EDIL3: variants seen among roughly 807,000 people sequenced by gnomAD.
EDIL3 encodes the protein EGF like and discoidin domains 3.
Under a neutral mutation model 67.4 loss-of-function variants are expected in EDIL3, and 37 were observed. The ratio of observed to expected loss-of-function variants is 0.55; its 90% CI spans 0.42 to 0.72. The LOEUF (loss-of-function observed/expected upper bound fraction) is 0.72. Among genes scored for constraint, EDIL3 ranks in the 30% least tolerant of loss-of-function variants. The probability of loss-of-function intolerance (pLI) is 0.00; values close to 1 mark genes in which losing one functional copy is unlikely to be tolerated. For synonymous variants in EDIL3, 195 were observed against 196.3 expected, an observed-to-expected ratio of 0.99 and a Z score of 0.05; for missense variants, 527 against 586.3, an observed-to-expected ratio of 0.90 and a Z score of 1.04.
intron 9 of EDIL3, among the ~76,000 whole-genome samples, chr5:84,016,303 C>G (rs1306658907): frequency 6.6e-6 from 1 of 152,170 alleles, no homozygotes; most frequent in African/African-American, 2.4e-5. Context: ...TTGAGTAAAT[C>G]TAGTTTATCG....
intron 5 of EDIL3, among the ~76,000 whole-genome samples, chr5:84,115,157 C>T (rs139801660): frequency 8.9e-4 from 134 of 150,714 alleles, no homozygotes; most frequent in African/African-American, 3.2e-3. Flanking sequence ...GTGTTAAAAT[C>T]GGAAATGCTT....
chr5:84,233,115 G>A (rs1744614663), intron 2 of EDIL3, among the ~76,000 whole-genome samples: 1 of 152,078 alleles, frequency 6.6e-6, no homozygotes, highest in Non-Finnish European at 1.5e-5. Context: ...CAACAAATAA[G>A]TGTATTGCTC....
intron 5 of EDIL3, among the ~76,000 whole-genome samples, chr5:84,132,917 CAA>C (rs989404445): frequency 1.4e-4 from 22 of 151,904 alleles, no homozygotes; most frequent in African/African-American, 5.1e-4. Context: ...TGAGATCACC[CAA>C]GTGTTTTTTT....
At chr5:84,221,378 A>G (rs1257292911) in intron 3 of EDIL3, among the ~76,000 whole-genome samples, 3 of 152,158 alleles carry the variant, frequency 2.0e-5, no homozygotes, top group African/African-American at 7.2e-5. Flanking sequence ...AAACCTGTCT[A>G]AAGAGAAAGA....
chr5:84,216,720 T>G (rs2112395365), intron 3 of EDIL3, among the ~76,000 whole-genome samples: 1 of 152,320 alleles, frequency 6.6e-6, no homozygotes, highest in Admixed American at 6.5e-5. Flanking sequence ...AAAAAAATCA[T>G]AATCGAAATC....
intron 9 of EDIL3, among the ~76,000 whole-genome samples, chr5:84,026,391 T>G (rs910436390): frequency 2.0e-5 from 3 of 152,208 alleles, no homozygotes; most frequent in Admixed American, 6.6e-5. Context: ...AGAGAATATT[T>G]GTTTCCATCT....
At chr5:84,108,561 C>A (rs548715926) in intron 5 of EDIL3, among the ~76,000 whole-genome samples, 58 of 152,206 alleles carry the variant, frequency 3.8e-4, no homozygotes, top group African/African-American at 1.3e-3. Flanking sequence ...TTTTCACATT[C>A]CCAAAAACTT....
At chr5:83,955,052 C>G (rs1006700182) in intron 10 of EDIL3, among the ~76,000 whole-genome samples, 9 of 151,756 alleles carry the variant, frequency 5.9e-5, no homozygotes, top group African/African-American at 2.2e-4. Context: ...GTTGGGCTAA[C>G]ACTTGATGAT....
In EDIL3 at chr5:84,106,682, T is replaced by C; in HGVS notation, c.618A>G (p.Thr206=). The change falls in exon 6 of 11, where the codon ACA becomes ACG. Residue 206 remains threonine, a synonymous_variant. Transcript: ENST00000296591. The part of the protein sequence containing the change: ...LNKKGLINAW[T]AAENDRWPWI... ...ACGGCCATCTGTCATTTTCTGCAGC[T>C]GTCCACGCATTTATAAGCCCCTTCT... The C allele has an allele frequency of 6.2e-7, 1 of 1,609,728 alleles. No homozygotes were observed. Among genetic ancestry groups the C allele is most frequent in the Non-Finnish European group, 8.5e-7 (1 of 1,178,440 alleles).
At chr5:84,371,450 TAGAGAGAGAGAGAGAG>T (rs142715442) in intron 1 of EDIL3, among the ~76,000 whole-genome samples, 2 of 103,988 alleles carry the variant, frequency 1.9e-5, no homozygotes, top group African/African-American at 6.6e-5. Context: ...TATATATATA[TAGAGAGAGAGAGAGAG>T]AGAGAGAGAG....
chr5:84,374,396 C>T (rs1217740790), intron 1 of EDIL3, among the ~76,000 whole-genome samples: 2 of 152,168 alleles, frequency 1.3e-5, no homozygotes, highest in Admixed American at 6.5e-5. Context: ...AATATGTTCT[C>T]TGCTTATGTT....
intron 1 of EDIL3, among the ~76,000 whole-genome samples, chr5:84,311,405 T>C (rs1433279225): frequency 1.3e-5 from 2 of 150,656 alleles, no homozygotes; most frequent in African/African-American, 2.4e-5. Flanking sequence ...TGTTTACAGA[T>C]GCATATTTTG....
Position 84,060,118 on chromosome 5 carries a change from C to G in EDIL3, c.1137+182G>C, listed in dbSNP as rs752069815. ...ACTAGCATCTATAAACCAACACCAGCGTAAAAATAGCCCACAGACATGGTT... is the reference window on the plus strand; with the variant it reads ...ACTAGCATCTATAAACCAACACCAGGGTAAAAATAGCCCACAGACATGGTT... On this transcript the variant is annotated intron_variant, in intron 9 of 10. Coordinates refer to ENST00000296591, the MANE Select transcript of EDIL3 (RefSeq NM_005711.5). Among the ~76,000 whole-genome samples the G allele has an allele frequency of 4.6e-5, 7 of 152,102 alleles. No individual in the cohort carries two copies. The South Asian group carries it at 8.3e-4, about 18-fold the overall frequency.
At chr5:84,142,354 T>C (rs1410150156) in intron 4 of EDIL3, among the ~76,000 whole-genome samples, 2 of 152,026 alleles carry the variant, frequency 1.3e-5, no homozygotes, top group South Asian at 2.1e-4. Flanking sequence ...CAGAGAATTC[T>C]TGAGTCTAAT....
At chr5:83,980,232 GGT>G (rs147547660) in intron 9 of EDIL3, among the ~76,000 whole-genome samples, 1 of 150,946 alleles carries the variant, frequency 6.6e-6, no homozygotes, top group Admixed American at 6.6e-5. Context: ...CTTAACTTGA[GGT>G]GTGTGTTTTT....
intron 6 of EDIL3, among the ~76,000 whole-genome samples, chr5:84,093,841 G>A (rs1747211538): frequency 6.6e-6 from 1 of 151,826 alleles, no homozygotes; most frequent in Admixed American, 6.6e-5. Flanking sequence ...TGTATTTTTA[G>A]TAGAGACGGG....
chr5:84,164,555 AG>A (rs1748671135), intron 4 of EDIL3, among the ~76,000 whole-genome samples: 1 of 152,114 alleles, frequency 6.6e-6, no homozygotes, highest in Non-Finnish European at 1.5e-5. Flanking sequence ...CAAGTTCAAA[AG>A]ACAAGATAAT....
intron 5 of EDIL3, among the ~76,000 whole-genome samples, chr5:84,124,866 T>C (rs1747838812): frequency 6.6e-6 from 1 of 152,000 alleles, no homozygotes. Flanking sequence ...CATTTTCCTA[T>C]ACTATGAAGA....
chr5:84,298,091 T>C (rs542468438), intron 1 of EDIL3, among the ~76,000 whole-genome samples: 1 of 152,188 alleles, frequency 6.6e-6, no homozygotes, highest in South Asian at 2.1e-4. Context: ...AACACTCAGC[T>C]TTTTCCAACA....
Sources: gnomAD v4.1 joint callset for allele counts (sites outside exome capture counted in the v4.1 genomes callset) on GRCh38, gnomAD v4.1.1 for gene constraint, MANE v1.5 for transcripts, NCBI Gene and HGNC (gene_info 2026-07-23, HGNC 2026-07-21) for gene names.